The following COL10A1 variants were observed in gnomAD, a reference collection of about 807,000 sequenced individuals.
COL10A1 encodes collagen type X alpha 1 chain.
A neutral mutation model predicts 18.2 loss-of-function variants in COL10A1; 10 were observed. That is an observed-to-expected ratio of 0.55 (90% CI 0.34 to 0.93). The LOEUF (loss-of-function observed/expected upper bound fraction) is 0.93, where lower values mean the gene tolerates loss of function less well. Ranked by LOEUF, COL10A1 falls within the 40% of genes least tolerant of loss-of-function variation. The probability of loss-of-function intolerance (pLI) is 0.02; values close to 1 mark genes in which losing one functional copy is unlikely to be tolerated. For synonymous variants in COL10A1, 330 were observed against 316.6 expected (o/e 1.04, Z -0.45); for missense variants, 897 against 853.5 (o/e 1.05, Z -0.64).
the COL10A1 span, among the ~76,000 whole-genome samples, chr6:116,213,229 T>C: frequency 6.6e-6 from 1 of 152,066 alleles, no homozygotes; most frequent in Non-Finnish European, 1.5e-5. Flanking sequence ...GGGACAGTAG[T>C]CTTCTGAAGG....
the COL10A1 span, among the ~76,000 whole-genome samples, chr6:116,178,100 CGCGT>C: frequency 8.0e-3 from 824 of 102,912 alleles, 9 homozygotes; most frequent in African/African-American, 0.03. Flanking sequence ...CGCGCGCGCG[CGCGT>C]GCGTGCGTGT....
At chr6:116,216,143 A>G in the COL10A1 span, among the ~76,000 whole-genome samples, 4 of 152,072 alleles carry the variant, frequency 2.6e-5, no homozygotes, top group East Asian at 1.9e-4. Flanking sequence ...ATCAACCACA[A>G]TGACATTTAA....
At chr6:116,182,163 A>G in the COL10A1 span, among the ~76,000 whole-genome samples, 1 of 151,924 alleles carries the variant, frequency 6.6e-6, no homozygotes, top group South Asian at 2.1e-4. Flanking sequence ...AATTTCATCC[A>G]GGTTGCTACA....
At chr6:116,186,617 G>C in the COL10A1 span, among the ~76,000 whole-genome samples, 1 of 151,930 alleles carries the variant, frequency 6.6e-6, no homozygotes, top group South Asian at 2.1e-4. Context: ...GAGTTAATTT[G>C]AAAGCCTTGT....
rs78400291 is a variant in COL10A1 at position 116,119,657 on chromosome 6, C to T, written c.*416G>A. ...CTCCTGGATGTTTCCTAGAAGTTCT[C>T]ATATTCATAGTTAGAAACAGGCTTT... On this transcript the variant is annotated 3_prime_UTR_variant, in exon 3 of 3. Coordinates refer to ENST00000651968, the MANE Select transcript of COL10A1 (RefSeq NM_000493.4). 4,516 of 177,318 alleles carry T rather than the reference C, an allele frequency of 0.025. 242 individuals carry two copies. The highest frequency in any genetic ancestry group is 0.1 in the African/African-American group (4,188 of 41,738). 11.0% of individuals were successfully genotyped at this position (177,318 alleles called of 1,614,324 possible).
In COL10A1 at chr6:116,143,069, C is replaced by A. The variant is rs62414128; in HGVS notation, c.-16+15545G>T. 4.5e-4 allele frequency among the ~76,000 whole-genome samples: 68 copies of A among 151,932 alleles called. 2 individuals carry two copies. Among genetic ancestry groups the A allele is most frequent in the African/African-American group, 1.6e-3 (67 of 41,364 alleles). On this transcript the variant is annotated intron_variant, in intron 1 of 1. Transcript: ENST00000418500. ...CTCTTACTAGGAAATTCCTGGAGACCGGATTTTGTTATTTTGAATAATATT... is the reference window on the plus strand; with the variant it reads ...CTCTTACTAGGAAATTCCTGGAGACAGGATTTTGTTATTTTGAATAATATT...
chr6:116,154,873 G>A (rs538384599), intron 1 of COL10A1, among the ~76,000 whole-genome samples: 8 of 151,976 alleles, frequency 5.3e-5, no homozygotes, highest in Non-Finnish European at 1.0e-4. Context: ...CAAAAATAAT[G>A]AATTGTTTTA....
At chr6:116,203,685 T>C in the COL10A1 span, among the ~76,000 whole-genome samples, 1 of 151,944 alleles carries the variant, frequency 6.6e-6, no homozygotes, top group Non-Finnish European at 1.5e-5. Flanking sequence ...ATGAACATCA[T>C]TTACATGTGA....
At chr6:116,176,707 C>A in the COL10A1 span, among the ~76,000 whole-genome samples, 1 of 152,158 alleles carries the variant, frequency 6.6e-6, no homozygotes, top group Non-Finnish European at 1.5e-5. Context: ...ACTTGCTGCC[C>A]TTCCTCCAGC....
intron 1 of COL10A1, among the ~76,000 whole-genome samples, chr6:116,131,919 T>A (rs1779476922): frequency 6.6e-6 from 1 of 152,172 alleles, no homozygotes; most frequent in Non-Finnish European, 1.5e-5. Flanking sequence ...AGTGAGAACA[T>A]GCAGTATTTG....
rs566235360 is a variant in COL10A1 at position 116,119,755 on chromosome 6, T to A, written c.*318A>T. On this transcript the variant is annotated 3_prime_UTR_variant, in exon 3 of 3. Transcript: ENST00000651968. ...AGAGCTCTATTTCTGTTTTTTTTTT[T>A]AATTTTTTTTTTGTTGTTTGTTTTT... 104 of 243,186 alleles carry A rather than the reference T, an allele frequency of 4.3e-4. No individual in the cohort carries two copies. Among genetic ancestry groups the A allele is most frequent in the African/African-American group, 1.5e-3 (67 of 44,074 alleles). 15.1% of individuals were successfully genotyped at this position (243,186 alleles called of 1,614,324 possible). A position where few individuals can be genotyped will look rare whatever the true frequency, so the allele number is the denominator to read the frequency against.
upstream of COL10A1, among the ~76,000 whole-genome samples, chr6:116,126,896 A>G (rs868251828): frequency 7.9e-5 from 12 of 152,178 alleles, no homozygotes; most frequent in East Asian, 3.8e-4. Flanking sequence ...AATCATCCCA[A>G]TTAGAAACAC....
Position 116,125,437 on chromosome 6 carries a change from A to G in COL10A1, c.56T>C (p.Val19Ala), listed in dbSNP as rs1303144012. 1 of 1,613,764 alleles carries G rather than the reference A, an allele frequency of 6.2e-7. No individual in the cohort carries two copies. Among genetic ancestry groups the G allele is most frequent in the Non-Finnish European group, 8.5e-7 (1 of 1,179,868 alleles). The change falls in exon 2 of 3, where the codon GTG becomes GCG. Residue 19 changes from valine (V) to alanine (A), a missense_variant. Coordinates refer to ENST00000651968, the MANE Select transcript of COL10A1 (RefSeq NM_000493.4). ...CATTTGGTATCGTTCAGCGTAAAAC[A>G]CTCCATGAACCAAGTTCAAGGATAC... is the stretch of plus-strand genomic sequence containing the variant. ...LLVSLNLVHG[V>A]FYAERYQMPT...
rs560652096 is a variant in COL10A1 at position 116,121,541 on chromosome 6, C to T, written c.575G>A (p.Gly192Glu). The T allele has an allele frequency of 4.3e-6, 7 of 1,614,118 alleles. No individual in the cohort carries two copies. In the African/African-American group the frequency reaches 9.3e-5, roughly 22 times the overall value. ...PGMNGQKGEM[G>E]YGAPGRPGER... ...ACCTGGACGACCAGGAGCACCATATCCCATTTCCCCTTTCTGTCCATTCAT... is the reference window on the plus strand; with the variant it reads ...ACCTGGACGACCAGGAGCACCATATTCCATTTCCCCTTTCTGTCCATTCAT... The change falls in exon 3 of 3, where the codon GGA becomes GAA. Residue 192 changes from glycine to glutamate, a missense_variant. Coordinates refer to ENST00000651968, the MANE Select transcript of COL10A1 (RefSeq NM_000493.4).
At chr6:116,213,230 C>G in the COL10A1 span, among the ~76,000 whole-genome samples, 1 of 152,048 alleles carries the variant, frequency 6.6e-6, no homozygotes, top group Non-Finnish European at 1.5e-5. Flanking sequence ...GGACAGTAGT[C>G]TTCTGAAGGC....
chr6:116,146,573 ATTG>A (rs1377282535), intron 1 of COL10A1, among the ~76,000 whole-genome samples: 1 of 152,220 alleles, frequency 6.6e-6, no homozygotes, highest in Non-Finnish European at 1.5e-5. Context: ...TAAATAAATT[ATTG>A]TTAAATGAAT....
At chr6:116,208,117 T>G in the COL10A1 span, among the ~76,000 whole-genome samples, 1 of 151,976 alleles carries the variant, frequency 6.6e-6, no homozygotes, top group African/African-American at 2.4e-5. Context: ...ACCCCTAATA[T>G]CTAGCTTATG....
the COL10A1 span, among the ~76,000 whole-genome samples, chr6:116,178,080 TGTGTGTGTGC>T: frequency 1.4e-3 from 155 of 109,030 alleles, 2 homozygotes; most frequent in African/African-American, 5.1e-3. Flanking sequence ...TGTGTGTGTG[TGTGTGTGTGC>T]GCGCGCGCGC....
At chr6:116,208,268 AT>A in the COL10A1 span, among the ~76,000 whole-genome samples, 1 of 151,902 alleles carries the variant, frequency 6.6e-6, no homozygotes, top group Non-Finnish European at 1.5e-5. Flanking sequence ...AGTTCTCCTA[AT>A]TTTTTCCAGC....
Sources: allele counts gnomAD v4.1 joint callset (sites outside exome capture counted in the v4.1 genomes callset), GRCh38; gene constraint gnomAD v4.1.1; transcripts MANE v1.5; gene names NCBI Gene and HGNC (gene_info 2026-07-23, HGNC 2026-07-21).